The following SPON2 variants were observed in gnomAD, a reference collection of about 807,000 sequenced individuals.
SPON2 encodes the protein spondin 2, also known as spondin-2.
SPON2 carries 32 observed loss-of-function variants against 29.9 expected under a neutral mutation model. That is an observed-to-expected ratio of 1.07 (90% CI 0.81 to 1.44). SPON2 has a LOEUF of 1.44. Among genes scored for constraint, SPON2 ranks in the 40% most tolerant of loss-of-function variants. SPON2 has a pLI of 0.00. For missense variants in SPON2, 541 were observed against 455.5 expected (o/e 1.19, Z -1.71); for synonymous variants, 248 against 209.1 (o/e 1.19, Z -1.61).
chr4:1,188,177 T>C (rs753134422), intron 1 of SPON2, among the ~76,000 whole-genome samples: 4 of 119,140 alleles, frequency 3.4e-5, no homozygotes, highest in African/African-American at 3.4e-5. Flanking sequence ...CACCACTGCC[T>C]GGGCAACAGA....
intron 1 of SPON2, among the ~76,000 whole-genome samples, chr4:1,189,759 C>T (rs372191776): frequency 1.8e-4 from 28 of 151,420 alleles, no homozygotes; most frequent in South Asian, 8.4e-4. Context: ...GAGGCTGAGG[C>T]GGGCGGATCA....
chr4:1,201,048 C>G (rs1475710007), intron 1 of SPON2: 2 of 452,720 alleles, frequency 4.4e-6, no homozygotes, highest in African/African-American at 4.0e-5. Context: ...CTTCCTGGCC[C>G]TTCCCCCTCC....
rs368409777 is a variant in SPON2 at position 1,172,177 on chromosome 4, G to C, written c.-3-103C>G. The C allele has an allele frequency of 5.6e-4, 531 of 952,168 alleles. 10 individuals carry two copies. The South Asian group carries it at 7.8e-3, about 14-fold the overall frequency. The allele number at this position is 952,168 out of a possible 1,614,324, so 59.0% of individuals were successfully genotyped here. A position where few individuals can be genotyped will look rare whatever the true frequency, so the allele number is the denominator to read the frequency against. On this transcript the variant is annotated intron_variant, in intron 1 of 5. Transcript: ENST00000290902. ...CACTTTGGGCTCTGAGGACGGCCCC[G>C]AGCACCCGCGACCCCCTCCCTGCTC...
upstream of SPON2, among the ~76,000 whole-genome samples, chr4:1,174,868 C>G (rs1300022450): frequency 6.6e-6 from 1 of 152,230 alleles, no homozygotes; most frequent in Non-Finnish European, 1.5e-5. Flanking sequence ...GAAAATCCAG[C>G]CTTGGCTGCG....
chr4:1,174,754 C>T (rs1055155113), upstream of SPON2, among the ~76,000 whole-genome samples: 8 of 152,258 alleles, frequency 5.3e-5, no homozygotes, highest in Admixed American at 3.9e-4. Context: ...CGTGGTTCTA[C>T]GTTGGTGCGA....
chr4:1,171,229 C>T (rs932322515), intron 3 of SPON2, 34 bp downstream of exon 3: 3 of 1,434,800 alleles, frequency 2.1e-6, no homozygotes, highest in Admixed American at 3.1e-5. Flanking sequence ...GCCCCGGCCC[C>T]CCGGACCCCG....
upstream of SPON2, among the ~76,000 whole-genome samples, chr4:1,197,853 A>G (rs1313217038): frequency 6.6e-6 from 1 of 152,150 alleles, no homozygotes; most frequent in East Asian, 1.9e-4. Flanking sequence ...GTTTGAGACC[A>G]TCCTGGCCAA....
At chr4:1,200,707 C>A (rs1364807523) in intron 1 of SPON2, 4 of 418,834 alleles carry the variant, frequency 9.6e-6, no homozygotes, top group Non-Finnish European at 1.9e-5. Context: ...CTCCCATCTG[C>A]GTGGACATCG....
intron 1 of SPON2, among the ~76,000 whole-genome samples, chr4:1,185,709 A>AAAAAAAAAAAG (rs1491205002): frequency 3.0e-4 from 4 of 13,504 alleles, no homozygotes; most frequent in Non-Finnish European, 1.2e-3. Context: ...CTCCATCTCC[A>AAAAAAAAAAAG]AAAAAAAAAA....
intron 1 of SPON2, among the ~76,000 whole-genome samples, chr4:1,203,331 A>C (rs1365672456): frequency 6.6e-6 from 1 of 152,134 alleles, no homozygotes; most frequent in Admixed American, 6.5e-5. Context: ...CATTCCAGAC[A>C]TTTGACATAA....
At chr4:1,178,319 C>G (rs1417035054) in intron 2 of SPON2, among the ~76,000 whole-genome samples, 1 of 152,236 alleles carries the variant, frequency 6.6e-6, no homozygotes, top group Non-Finnish European at 1.5e-5. Context: ...CTGCACATAT[C>G]TGCTTTCTAA....
chr4:1,202,846 C>A lies in SPON2; in HGVS notation c.-234+5034G>T, dbSNP rs1046247208. Among the ~76,000 whole-genome samples, 1 of 152,190 alleles carries A rather than the reference C, an allele frequency of 6.6e-6. No homozygotes were observed. The highest frequency in any genetic ancestry group is 2.4e-5 in the African/African-American group (1 of 41,436). On this transcript the variant is annotated intron_variant, in intron 1 of 3. Transcript: ENST00000509233. The surrounding 1 kb of genome is among the most constrained non-coding windows in gnomAD (Gnocchi z 5.4). ...GCCCCGTGGATGCCGTCAAGGCCCC[C>A]CGCATGTGCCTTTGGGAGCGATGGT...
upstream of SPON2, among the ~76,000 whole-genome samples, chr4:1,174,744 C>T (rs147432981): frequency 2.6e-5 from 4 of 152,262 alleles, no homozygotes; most frequent in East Asian, 5.8e-4. Context: ...AGAAAAGTGG[C>T]GTGGTTCTAC....
chr4:1,183,263 GAA>G (rs1727733780), intron 1 of SPON2, among the ~76,000 whole-genome samples: 1 of 143,018 alleles, frequency 7.0e-6, no homozygotes, highest in South Asian at 2.2e-4. Flanking sequence ...AAACAAAAAA[GAA>G]AGAGAGAGAA....
In SPON2 at chr4:1,170,525, GC is replaced by G; in HGVS notation, c.687del (p.Leu230Ter). On this transcript the variant is annotated frameshift_variant, in exon 5 of 6. Transcript: ENST00000290902. LOFTEE classifies it high-confidence loss of function. ...CTGGCGATGGGAGGCAGGGCCTTCA[GC>G]CGCGGGTAGTAGAAGGAGTTGGCCG... ...SHPANSFYYP[R>X]LKALPPIARV... 6.2e-7 allele frequency: 1 copy of G among 1,613,992 alleles called. No homozygotes were observed. Among genetic ancestry groups the G allele is most frequent in the Non-Finnish European group, 8.5e-7 (1 of 1,179,908 alleles).
chr4:1,200,438 C>A (rs985456480), intron 1 of SPON2, among the ~76,000 whole-genome samples: 2 of 151,976 alleles, frequency 1.3e-5, no homozygotes, highest in Non-Finnish European at 2.9e-5. Flanking sequence ...GAGGTGCAGG[C>A]TAAGCGAGGA....
chr4:1,171,234 AC>A, intron 3 of SPON2, 28 bp downstream of exon 3: 2 of 1,430,396 alleles, frequency 1.4e-6, no homozygotes, highest in Non-Finnish European at 9.1e-7. Flanking sequence ...GGCCCCCCGG[AC>A]CCCGCCCCCG....
At chr4:1,193,376 T>A (rs574326199) in intron 1 of SPON2, among the ~76,000 whole-genome samples, 15 of 150,420 alleles carry the variant, frequency 1.0e-4, no homozygotes, top group Non-Finnish European at 1.9e-4. Flanking sequence ...CCTGGGGGAG[T>A]CCAGCACGCC....
At chr4:1,178,208 C>G (rs888127474), upstream of SPON2, among the ~76,000 whole-genome samples, 1 of 149,944 alleles carries the variant, frequency 6.7e-6, no homozygotes, top group Non-Finnish European at 1.5e-5. Flanking sequence ...TCCCTCCGGC[C>G]AGGCACCACG....
Sources: allele counts gnomAD v4.1 joint callset (sites outside exome capture counted in the v4.1 genomes callset), GRCh38; gene constraint gnomAD v4.1.1; non-coding constraint Gnocchi (gnomAD v3.1); transcripts MANE v1.5; gene names NCBI Gene and HGNC (gene_info 2026-07-23, HGNC 2026-07-21).